MIS18A: variants seen among roughly 807,000 people sequenced by gnomAD.
MIS18A encodes the protein MIS18 kinetochore protein A, also known as protein Mis18-alpha.
Under a neutral mutation model 25.0 loss-of-function variants are expected in MIS18A, and 14 were observed. The observed-to-expected ratio is 0.56, with a 90% CI of 0.37 to 0.88. MIS18A has a LOEUF of 0.88. Ranked by LOEUF, MIS18A falls within the 40% of genes least tolerant of loss-of-function variation. The pLI, the probability that MIS18A is intolerant of heterozygous loss-of-function variation, is 0.00. For synonymous variants in MIS18A, 134 were observed against 118.6 expected (o/e 1.13, Z -0.84); for missense variants, 292 against 290.8 (o/e 1.00, Z -0.03).
chr21:32,274,009 G>A (rs902842094), intron 2 of MIS18A, among the ~76,000 whole-genome samples: 7 of 152,074 alleles, frequency 4.6e-5, no homozygotes, highest in Middle Eastern at 3.4e-3. Flanking sequence ...GGCCACACAG[G>A]GCTTCAGATT....
chr21:32,232,140 T>C, the MIS18A span, among the ~76,000 whole-genome samples: 2 of 152,170 alleles, frequency 1.3e-5, no homozygotes, highest in Admixed American at 6.5e-5. Flanking sequence ...TATATCTATC[T>C]CTATCTCTAT....
At chr21:32,235,961 G>A in the MIS18A span, among the ~76,000 whole-genome samples, 1 of 152,116 alleles carries the variant, frequency 6.6e-6, no homozygotes, top group Non-Finnish European at 1.5e-5. Context: ...ACTGTCTCAA[G>A]AGCCCCCCTG....
the MIS18A span, among the ~76,000 whole-genome samples, chr21:32,217,821 GAAA>G: frequency 1.3e-5 from 2 of 148,220 alleles, no homozygotes; most frequent in African/African-American, 2.5e-5. Context: ...AATTCTGAAG[GAAA>G]AAAAAACACT....
At chr21:32,270,218 G>C (rs2031686782) in intron 3 of MIS18A, among the ~76,000 whole-genome samples, 189 bp downstream of exon 3, 1 of 150,038 alleles carries the variant, frequency 6.7e-6, no homozygotes, top group Non-Finnish European at 1.5e-5. Context: ...CTACAATTTA[G>C]AGTGTCTGAC....
the MIS18A span, among the ~76,000 whole-genome samples, chr21:32,205,766 C>T: frequency 6.6e-6 from 1 of 152,204 alleles, no homozygotes; most frequent in African/African-American, 2.4e-5. Flanking sequence ...GGGTTGGCAG[C>T]TCAGCCTTGC....
the MIS18A span, among the ~76,000 whole-genome samples, chr21:32,160,970 G>A: frequency 2.4e-3 from 369 of 152,286 alleles, 9 homozygotes; most frequent in South Asian, 0.054. Context: ...CTCTCCAAAA[G>A]AGGCAATCAG....
At chr21:32,192,353 G>C in the MIS18A span, among the ~76,000 whole-genome samples, 1 of 152,186 alleles carries the variant, frequency 6.6e-6, no homozygotes, top group Non-Finnish European at 1.5e-5. Flanking sequence ...TCGCGTGGCT[G>C]CGTCTCCCCT....
At chr21:32,169,416 C>T in the MIS18A span, among the ~76,000 whole-genome samples, 1 of 152,152 alleles carries the variant, frequency 6.6e-6, no homozygotes, top group Non-Finnish European at 1.5e-5. Flanking sequence ...AACATCACAG[C>T]TGCCTCAAGT....
At chr21:32,165,818 C>T in the MIS18A span, among the ~76,000 whole-genome samples, 1 of 152,074 alleles carries the variant, frequency 6.6e-6, no homozygotes, top group Admixed American at 6.5e-5. Context: ...CACATGTCTA[C>T]ATTACACTGG....
At chr21:32,230,170 A>C in the MIS18A span, among the ~76,000 whole-genome samples, 1 of 152,190 alleles carries the variant, frequency 6.6e-6, no homozygotes, top group Non-Finnish European at 1.5e-5. Context: ...ATAAGAACTG[A>C]ATTATCATCT....
chr21:32,170,274 T>A, the MIS18A span, among the ~76,000 whole-genome samples: 1 of 152,152 alleles, frequency 6.6e-6, no homozygotes, highest in African/African-American at 2.4e-5. Flanking sequence ...TGCTCATCAC[T>A]GATGGATTAG....
chr21:32,232,719 G>T, the MIS18A span, among the ~76,000 whole-genome samples: 2 of 151,498 alleles, frequency 1.3e-5, no homozygotes, highest in African/African-American at 4.9e-5. Flanking sequence ...TAGAAACAAA[G>T]AATTAAAACT....
the MIS18A span, among the ~76,000 whole-genome samples, chr21:32,227,055 G>C: frequency 6.6e-6 from 1 of 151,920 alleles, no homozygotes; most frequent in Non-Finnish European, 1.5e-5. Context: ...CATATCTATG[G>C]GATGCAAATA....
At chr21:32,249,580 T>C in the MIS18A span, among the ~76,000 whole-genome samples, 1 of 152,306 alleles carries the variant, frequency 6.6e-6, no homozygotes, top group Non-Finnish European at 1.5e-5. Flanking sequence ...GTAATTTTTA[T>C]GGGGCTGTGT....
At chr21:32,234,722 G>A in the MIS18A span, among the ~76,000 whole-genome samples, 4 of 152,108 alleles carry the variant, frequency 2.6e-5, no homozygotes, top group African/African-American at 9.7e-5. Flanking sequence ...CTCTCATCAT[G>A]TGACATGCAG....
chr21:32,222,067 T>C, the MIS18A span, among the ~76,000 whole-genome samples: 36 of 151,006 alleles, frequency 2.4e-4, no homozygotes, highest in African/African-American at 8.8e-4. Flanking sequence ...CAAAGACACA[T>C]ATAGGCTCAA....
chr21:32,211,073 C>A, the MIS18A span, among the ~76,000 whole-genome samples: 1 of 152,218 alleles, frequency 6.6e-6, no homozygotes, highest in Non-Finnish European at 1.5e-5. Context: ...TGGAGTCTTG[C>A]TCTGTCGCCC....
the MIS18A span, among the ~76,000 whole-genome samples, chr21:32,172,275 T>A: frequency 6.6e-6 from 1 of 152,044 alleles, no homozygotes; most frequent in African/African-American, 2.4e-5. Context: ...TAGGATACAA[T>A]AATCCTTTTT....
the MIS18A span, among the ~76,000 whole-genome samples, chr21:32,240,067 C>T: frequency 3.3e-5 from 5 of 152,330 alleles, no homozygotes; most frequent in South Asian, 6.2e-4. Context: ...CGTACAAATA[C>T]GCAGTCCAGG....
Sources: allele counts gnomAD v4.1 joint callset (sites outside exome capture counted in the v4.1 genomes callset), GRCh38; gene constraint gnomAD v4.1.1; transcripts MANE v1.5; gene names NCBI Gene and HGNC (gene_info 2026-07-23, HGNC 2026-07-21).